Variants in MAGI1 observed in about 807,000 individuals in gnomAD.
The protein encoded by MAGI1 is membrane associated guanylate kinase, WW and PDZ domain containing 1, also known as membrane-associated guanylate kinase, WW and PDZ domain-containing protein 1.
A neutral mutation model predicts 139.9 loss-of-function variants in MAGI1; 58 were observed. That is an observed-to-expected ratio of 0.41 (90% CI 0.34 to 0.52). The LOEUF (loss-of-function observed/expected upper bound fraction) is 0.52, where lower values mean the gene tolerates loss of function less well. Among genes scored for constraint, MAGI1 ranks in the 20% least tolerant of loss-of-function variants. The pLI, the probability that MAGI1 is intolerant of heterozygous loss-of-function variation, is 0.12. For missense variants in MAGI1, 1,874 were observed against 1,901.6 expected, an observed-to-expected ratio of 0.99 and a Z score of 0.27; for synonymous variants, 812 against 737.9, an observed-to-expected ratio of 1.10 and a Z score of -1.63.
intron 1 of MAGI1, among the ~76,000 whole-genome samples, chr3:65,749,708 G>C (rs1292886386): frequency 6.8e-5 from 7 of 103,446 alleles, no homozygotes; most frequent in African/African-American, 2.5e-4. Flanking sequence ...TCTAGTCTGA[G>C]TTAAAAAAAA....
At chr3:65,477,924 C>T (rs1950999638) in intron 4 of MAGI1, among the ~76,000 whole-genome samples, 2 of 151,580 alleles carry the variant, frequency 1.3e-5, no homozygotes, top group East Asian at 1.9e-4. Context: ...TAAAATACAA[C>T]ATACCTAAGC....
At chr3:65,463,586 G>C (rs1949964648) in intron 5 of MAGI1, among the ~76,000 whole-genome samples, 1 of 151,186 alleles carries the variant, frequency 6.6e-6, no homozygotes, top group Non-Finnish European at 1.5e-5. Context: ...GTGTGTGTGT[G>C]TGTGTGTGTG....
chr3:65,366,381 C>T (rs1941417301), intron 18 of MAGI1, among the ~76,000 whole-genome samples: 1 of 152,140 alleles, frequency 6.6e-6, no homozygotes, highest in South Asian at 2.1e-4. Flanking sequence ...ATAACTAAAT[C>T]AAGTGAATTG....
At chr3:65,895,719 G>A (rs991528401) in intron 1 of MAGI1, among the ~76,000 whole-genome samples, 2 of 152,096 alleles carry the variant, frequency 1.3e-5, no homozygotes, top group African/African-American at 4.8e-5. Context: ...CCAAACTTAC[G>A]TCAGTTACCC....
chr3:65,603,494 C>T (rs1203034315), intron 2 of MAGI1, among the ~76,000 whole-genome samples: 1 of 152,176 alleles, frequency 6.6e-6, no homozygotes, highest in East Asian at 1.9e-4. Flanking sequence ...TGGAAACATG[C>T]ATTAAATTTT....
intron 14 of MAGI1, chr3:65,386,998 TCAA>T: frequency 1.5e-6 from 1 of 662,368 alleles, no homozygotes; most frequent in South Asian, 2.0e-5. Flanking sequence ...TTGCGTTTGG[TCAA>T]CAAGAGCTCC....
At chr3:65,951,839 A>T (rs1207257513) in intron 1 of MAGI1, among the ~76,000 whole-genome samples, 2 of 152,236 alleles carry the variant, frequency 1.3e-5, no homozygotes, top group African/African-American at 4.8e-5. Context: ...AATATGTAAG[A>T]GTCCAAAGGA....
At chr3:65,634,167 G>C (rs1054784717) in intron 1 of MAGI1, among the ~76,000 whole-genome samples, 12 of 152,152 alleles carry the variant, frequency 7.9e-5, no homozygotes, top group Admixed American at 7.9e-4. Context: ...AGAGGAGACG[G>C]GACTCAAATC....
intron 1 of MAGI1, among the ~76,000 whole-genome samples, chr3:65,878,838 A>T (rs2060219532): frequency 6.6e-6 from 1 of 152,156 alleles, no homozygotes; most frequent in Non-Finnish European, 1.5e-5. Flanking sequence ...TCCAACCAGA[A>T]GCTGCCTCCA....
rs1024262327 is a variant in MAGI1, at chr3:65,897,657, AAAC to A, written c.313+140336_313+140338del. Among the ~76,000 whole-genome samples, 13 of 151,954 alleles carry A rather than the reference AAAC, an allele frequency of 8.6e-5. No homozygotes were observed. In the South Asian group the frequency reaches 2.3e-3, roughly 27 times the overall value. ...CCCTAGGACTTAAAGTATAATTAAA[AAAC>A]AACAACAACAACAACAAAAAAGAAC... On this transcript the variant is annotated intron_variant, in intron 1 of 22. Coordinates refer to ENST00000402939, the MANE Select transcript of MAGI1 (RefSeq NM_001033057.2).
chr3:65,387,367 G>A (rs1415627089), intron 14 of MAGI1: 7 of 539,088 alleles, frequency 1.3e-5, no homozygotes, highest in Non-Finnish European at 1.6e-5. Context: ...AAAGACTATA[G>A]TTTGATTCCA....
At chr3:65,959,647 T>G (rs148378366) in intron 1 of MAGI1, among the ~76,000 whole-genome samples, 5,630 of 142,560 alleles carry the variant, frequency 0.039, 345 homozygotes, top group African/African-American at 0.14. Context: ...ATTATTATTA[T>G]TGAGACAAGG....
At chr3:65,854,581 T>C (rs1219694777) in intron 1 of MAGI1, among the ~76,000 whole-genome samples, 1 of 152,226 alleles carries the variant, frequency 6.6e-6, no homozygotes, top group Non-Finnish European at 1.5e-5. Context: ...AACTTTGCAA[T>C]ATGTTCATGG....
chr3:65,401,878 G>C, intron 12 of MAGI1: 1 of 985,244 alleles, frequency 1.0e-6, no homozygotes, highest in Non-Finnish European at 1.2e-6. Context: ...GACCAATCAG[G>C]ACAGAGGAAA....
chr3:65,727,382 C>G (rs2033734353), intron 1 of MAGI1, among the ~76,000 whole-genome samples: 2 of 152,044 alleles, frequency 1.3e-5, no homozygotes, highest in Non-Finnish European at 2.9e-5. Flanking sequence ...TATAAAGAAA[C>G]AGGGAGTTAT....
intron 1 of MAGI1, among the ~76,000 whole-genome samples, chr3:65,752,767 C>G (rs1413078470): frequency 6.6e-6 from 1 of 152,180 alleles, no homozygotes; most frequent in Non-Finnish European, 1.5e-5. Context: ...GAATCCTACT[C>G]AGTCATATCC....
chr3:65,983,261 T>C (rs946359948), intron 1 of MAGI1, among the ~76,000 whole-genome samples: 6 of 152,358 alleles, frequency 3.9e-5, no homozygotes, highest in Middle Eastern at 3.4e-3. Context: ...ATAATTTATT[T>C]CTCTGGTCTT....
intron 1 of MAGI1, among the ~76,000 whole-genome samples, chr3:65,715,642 C>T (rs1488758127): frequency 6.6e-6 from 1 of 152,272 alleles, no homozygotes; most frequent in African/African-American, 2.4e-5. Flanking sequence ...TTCAGACACA[C>T]ATTTTGTTTG....
At chr3:65,828,980 G>C (rs1052514967) in intron 1 of MAGI1, among the ~76,000 whole-genome samples, 2 of 152,136 alleles carry the variant, frequency 1.3e-5, no homozygotes, top group Non-Finnish European at 2.9e-5. Context: ...AGAAAAAGGG[G>C]ATCTTGGTAC....
Sources: gnomAD v4.1 joint callset for allele counts (sites outside exome capture counted in the v4.1 genomes callset) on GRCh38, gnomAD v4.1.1 for gene constraint, MANE v1.5 for transcripts, NCBI Gene and HGNC (gene_info 2026-07-23, HGNC 2026-07-21) for gene names.